The following EFCAB11 variants were observed in gnomAD, a reference collection of about 807,000 sequenced individuals.
EFCAB11 encodes EF-hand calcium-binding domain-containing protein 11.
A neutral mutation model predicts 23.0 loss-of-function variants in EFCAB11; 14 were observed. That is an observed-to-expected ratio of 0.61 (90% CI 0.40 to 0.95). The LOEUF (loss-of-function observed/expected upper bound fraction) is 0.95, where lower values mean the gene tolerates loss of function less well. Among genes scored for constraint, EFCAB11 ranks in the 40% least tolerant of loss-of-function variants. EFCAB11 has a pLI of 0.00. For missense variants in EFCAB11, 198 were observed against 195.8 expected (o/e 1.01, Z -0.07); for synonymous variants, 65 against 66.6 (o/e 0.98, Z 0.11).
At chr14:89,912,662 T>TA (rs1889716102) in intron 5 of EFCAB11, among the ~76,000 whole-genome samples, 1 of 152,254 alleles carries the variant, frequency 6.6e-6, no homozygotes, top group Non-Finnish European at 1.5e-5. Context: ...GTTTTTGTCA[T>TA]ACGTTTTAGT....
intron 5 of EFCAB11, among the ~76,000 whole-genome samples, chr14:89,883,585 CAAAG>C (rs1419911054): frequency 6.6e-6 from 1 of 151,846 alleles, no homozygotes; most frequent in African/African-American, 2.4e-5. Flanking sequence ...GAAATAATGA[CAAAG>C]AAAAAAGTCT....
chr14:89,933,811 G>A (rs537437866), intron 3 of EFCAB11, among the ~76,000 whole-genome samples: 1 of 152,292 alleles, frequency 6.6e-6, no homozygotes, highest in Admixed American at 6.5e-5. Flanking sequence ...AAAGACAGGA[G>A]GTTGTGAAAA....
At chr14:89,875,300 A>T (rs1481567826) in intron 5 of EFCAB11, among the ~76,000 whole-genome samples, 1 of 152,224 alleles carries the variant, frequency 6.6e-6, no homozygotes, top group Admixed American at 6.5e-5. Flanking sequence ...ACAGCACTGG[A>T]AAAACCCACC....
chr14:89,796,077 A>G lies in EFCAB11; in HGVS notation c.*1166T>C, dbSNP rs942225. On this transcript the variant is annotated 3_prime_UTR_variant, in exon 6 of 6. Transcript: ENST00000316738. ...TGAGCAGCTCAAGGCTTGCTTCTCC[A>G]CAGTGAGACTCCCAAGCCTAGACCA... 125,709 of 152,328 alleles carry G rather than the reference A, an allele frequency of 0.83. 52,411 individuals are homozygous for G. The highest frequency in any genetic ancestry group is 0.89 in the Middle Eastern group (261 of 294). 9.4% of individuals were successfully genotyped at this position (152,328 alleles called of 1,614,324 possible).
chr14:89,949,963 C>T (rs1891108987), intron 3 of EFCAB11, 134 bp downstream of exon 3: 3 of 963,896 alleles, frequency 3.1e-6, no homozygotes, highest in Non-Finnish European at 4.5e-6. Flanking sequence ...AACCCGCCCC[C>T]ATGATTCAGT....
chr14:89,947,099 T>C (rs544411693), intron 3 of EFCAB11, among the ~76,000 whole-genome samples: 19 of 152,314 alleles, frequency 1.2e-4, no homozygotes, highest in African/African-American at 4.6e-4. Flanking sequence ...GAGAAGGGGA[T>C]AGTGGTAGAA....
intron 5 of EFCAB11, among the ~76,000 whole-genome samples, chr14:89,810,283 T>C (rs539659645): frequency 1.3e-5 from 2 of 152,304 alleles, no homozygotes; most frequent in South Asian, 2.1e-4. Flanking sequence ...CTTACACCAA[T>C]TGCTGTGAAA....
intron 5 of EFCAB11, among the ~76,000 whole-genome samples, chr14:89,898,123 A>G (rs991730901): frequency 6.6e-6 from 1 of 152,164 alleles, no homozygotes; most frequent in African/African-American, 2.4e-5. Flanking sequence ...AATGGAAAAC[A>G]CACTGTGCCA....
chr14:89,902,288 C>T (rs1889365332), intron 5 of EFCAB11, among the ~76,000 whole-genome samples: 2 of 152,154 alleles, frequency 1.3e-5, no homozygotes, highest in African/African-American at 2.4e-5. Context: ...TTTAAGCAAC[C>T]CCTTCCCCAT....
chr14:89,890,794 G>A (rs1258382964), intron 5 of EFCAB11, among the ~76,000 whole-genome samples: 11 of 152,202 alleles, frequency 7.2e-5, no homozygotes, highest in Non-Finnish European at 4.4e-5. Flanking sequence ...ATCGTGCACT[G>A]GGGCTGCGGT....
intron 3 of EFCAB11, among the ~76,000 whole-genome samples, chr14:89,945,034 A>T (rs925975910): frequency 1.9e-4 from 27 of 145,668 alleles, no homozygotes; most frequent in African/African-American, 6.8e-4. Flanking sequence ...ATAAAATATT[A>T]GATTTTATTA....
At chr14:89,938,261 A>G (rs1566820142) in intron 3 of EFCAB11, 2 of 152,352 alleles carry the variant, frequency 1.3e-5, no homozygotes, top group South Asian at 4.1e-4. Flanking sequence ...GTTCATGTTC[A>G]TTGTGTCACA....
Position 89,907,243 on chromosome 14 carries a change from G to A in EFCAB11, c.410+24298C>T, listed in dbSNP as rs999424839. Among the ~76,000 whole-genome samples the A allele has an allele frequency of 2.6e-5, 4 of 152,272 alleles. No homozygotes were observed. The East Asian group carries it at 7.7e-4, about 29-fold the overall frequency. The stretch of plus-strand genomic sequence containing the variant: ...TGTCAATTCTGTGATTTGTTTGAGG[G>A]TCTAACAAAAGGTTGAGATGAGCAG... On this transcript the variant is annotated intron_variant, in intron 5 of 5. Coordinates refer to ENST00000316738, the MANE Select transcript of EFCAB11 (RefSeq NM_145231.4).
In EFCAB11 at chr14:89,794,818, G is replaced by T. The variant is rs1466354581; in HGVS notation, c.*2425C>A. 6.6e-6 allele frequency: 1 copy of T among 152,040 alleles called. No individual in the cohort carries two copies. The highest frequency in any genetic ancestry group is 1.9e-4 in the East Asian group (1 of 5,198). The allele number at this position is 152,040 out of a possible 1,614,324, so 9.4% of individuals were successfully genotyped here. On this transcript the variant is annotated 3_prime_UTR_variant, in exon 6 of 6. Transcript: ENST00000316738. ...AGTTTTAGATTTATAGAAAAATTGT[G>T]AAAATAGTAGAGGGTTCCCATATAC...
intron 5 of EFCAB11, among the ~76,000 whole-genome samples, chr14:89,818,036 G>A (rs907121234): frequency 2.0e-5 from 3 of 151,958 alleles, no homozygotes; most frequent in African/African-American, 7.2e-5. Flanking sequence ...AAAAATTGCA[G>A]TTGGGGTAGG....
intron 5 of EFCAB11, among the ~76,000 whole-genome samples, chr14:89,921,079 AAAG>A (rs1890009096): frequency 6.6e-6 from 1 of 151,522 alleles, no homozygotes; most frequent in Admixed American, 6.6e-5. Flanking sequence ...AAAAAAAAGA[AAAG>A]AAAGAAAGAA....
At chr14:89,929,336 C>A (rs897170893) in intron 5 of EFCAB11, among the ~76,000 whole-genome samples, 9 of 152,130 alleles carry the variant, frequency 5.9e-5, no homozygotes, top group Non-Finnish European at 1.2e-4. Flanking sequence ...AGGCATGAAC[C>A]ACCACACCAG....
rs895941464 is a variant in EFCAB11 at position 89,932,096 on chromosome 14, T to C, written c.319+430A>G. Among the ~76,000 whole-genome samples, 7 of 152,294 alleles carry C rather than the reference T, an allele frequency of 4.6e-5. No homozygotes were observed. In the East Asian group the frequency reaches 1.4e-3, roughly 29 times the overall value. ...ACTCCATGAGTCTTTTCATTCTGTGTATGATCTGTGGGGCCTAGGGGGTCT... is the reference window on the plus strand; with the variant it reads ...ACTCCATGAGTCTTTTCATTCTGTGCATGATCTGTGGGGCCTAGGGGGTCT... On this transcript the variant is annotated intron_variant, in intron 4 of 5. Coordinates refer to ENST00000316738, the MANE Select transcript of EFCAB11 (RefSeq NM_145231.4).
intron 5 of EFCAB11, among the ~76,000 whole-genome samples, chr14:89,851,115 T>C (rs1378845997): frequency 2.6e-5 from 4 of 152,184 alleles, no homozygotes; most frequent in Non-Finnish European, 5.9e-5. Flanking sequence ...CTTTATTTTG[T>C]AGTCAGGTAA....
Sources: gnomAD v4.1 joint callset for allele counts (sites outside exome capture counted in the v4.1 genomes callset) on GRCh38, gnomAD v4.1.1 for gene constraint, MANE v1.5 for transcripts, NCBI Gene and HGNC (gene_info 2026-07-23, HGNC 2026-07-21) for gene names.